The following AGBL1 variants were observed in gnomAD, a reference collection of about 807,000 sequenced individuals.
The protein encoded by AGBL1 is AGBL carboxypeptidase 1.
Under a neutral mutation model 118.9 loss-of-function variants are expected in AGBL1, and 130 were observed. The ratio of observed to expected loss-of-function variants is 1.09; its 90% CI spans 0.95 to 1.26. AGBL1 has a LOEUF of 1.26. Among genes scored for constraint, AGBL1 ranks in the 50% most tolerant of loss-of-function variants. AGBL1 has a pLI of 0.00. For synonymous variants in AGBL1, 555 were observed against 478.9 expected (o/e 1.16, Z -2.08); for missense variants, 1,584 against 1,298.1 (o/e 1.22, Z -3.38).
Position 86,785,371 on chromosome 15 carries a change from T to G in AGBL1, c.3158+110935T>G, listed in dbSNP as rs541581337. The stretch of plus-strand genomic sequence containing the variant: ...GAGATCTGCGGGTTCTTTTTTTTTT[T>G]TTTTTTTGTTTTTGTTTTTTTGAGA... On this transcript the variant is annotated intron_variant, in intron 22 of 22. Coordinates refer to ENST00000614907, the MANE Select transcript of AGBL1 (RefSeq NM_001386094.1). Among the ~76,000 whole-genome samples, 1,166 of 143,962 alleles carry G rather than the reference T, an allele frequency of 8.1e-3. 14 individuals are homozygous for G. The highest frequency in any genetic ancestry group is 0.018 in the Middle Eastern group (5 of 276). The allele number at this position is 143,962 out of a possible 152,430, so 94.4% of individuals were successfully genotyped here. A position where few individuals can be genotyped will look rare whatever the true frequency, so the allele number is the denominator to read the frequency against.
chr15:86,354,702 TG>T (rs1311878245), intron 17 of AGBL1, among the ~76,000 whole-genome samples: 1 of 152,236 alleles, frequency 6.6e-6, no homozygotes, highest in Non-Finnish European at 1.5e-5. Flanking sequence ...AAGATGTCCT[TG>T]CCCTAATCCC....
At chr15:86,471,506 T>G (rs981028723) in intron 18 of AGBL1, among the ~76,000 whole-genome samples, 8 of 151,968 alleles carry the variant, frequency 5.3e-5, no homozygotes, top group Non-Finnish European at 1.0e-4. Flanking sequence ...TAGTTTTTTT[T>G]TTTTTTTTTA....
Position 86,234,823 on chromosome 15 carries a change from T to A in AGBL1, c.526+9872T>A, listed in dbSNP as rs1449551816. On this transcript the variant is annotated intron_variant, in intron 6 of 22. Transcript: ENST00000614907. ...CATCTCAATAAAGATGAACTCTTGT[T>A]TTATTGTCATCACCATTTCAAAAGT... Among the ~76,000 whole-genome samples, 10 of 152,370 alleles carry A rather than the reference T, an allele frequency of 6.6e-5. No individual in the cohort carries two copies. In the South Asian group the frequency reaches 2.1e-3, roughly 32 times the overall value.
downstream of AGBL1, among the ~76,000 whole-genome samples, chr15:86,920,362 T>C (rs1484960671): frequency 6.6e-6 from 1 of 152,202 alleles, no homozygotes; most frequent in African/African-American, 2.4e-5. Flanking sequence ...GAATCTCTTT[T>C]ACTTCTACTA....
chr15:86,320,549 G>T (rs1016585052), intron 17 of AGBL1, among the ~76,000 whole-genome samples: 12 of 151,342 alleles, frequency 7.9e-5, no homozygotes, highest in African/African-American at 2.9e-4. Context: ...AAACTGACAA[G>T]TTTTTTTTTC....
chr15:86,246,890 A>C (rs1464633476), intron 6 of AGBL1, among the ~76,000 whole-genome samples: 1 of 134,310 alleles, frequency 7.4e-6, no homozygotes, highest in East Asian at 2.1e-4. Context: ...GCTCAACCCA[A>C]ATGACAACCT....
chr15:86,315,549 A>G (rs534538422), intron 17 of AGBL1, among the ~76,000 whole-genome samples: 53 of 152,014 alleles, frequency 3.5e-4, no homozygotes, highest in African/African-American at 1.3e-3. Context: ...CCCCGTCTCT[A>G]CTAATAATAC....
At position 86,079,963 on chromosome 15, in the gene AGBL1, C is replaced by G. The variant is rs11635881; in HGVS notation, c.-10C>G. 1 of 1,231,886 alleles carries G rather than the reference C, an allele frequency of 8.1e-7. No individual in the cohort carries two copies. The highest frequency in any genetic ancestry group is 1.0e-6 in the Non-Finnish European group (1 of 987,902). 76.3% of individuals were successfully genotyped at this position (1,231,886 alleles called of 1,614,324 possible). On this transcript the variant is annotated 5_prime_UTR_variant, in exon 1 of 23. Coordinates refer to ENST00000614907, the MANE Select transcript of AGBL1 (RefSeq NM_001386094.1). The stretch of plus-strand genomic sequence containing the variant: ...CCGCAGGCAGCGGTTCCCTAGGACC[C>G]GAGAAAAGGATGGCCGAACAAGAAG...
At chr15:86,852,336 C>A (rs1448620709) in intron 22 of AGBL1, among the ~76,000 whole-genome samples, 1 of 152,168 alleles carries the variant, frequency 6.6e-6, no homozygotes, top group African/African-American at 2.4e-5. Flanking sequence ...GATCCAAACA[C>A]CTCCCTCTCT....
At chr15:86,882,950 T>C (rs2079916682) in intron 22 of AGBL1, among the ~76,000 whole-genome samples, 1 of 152,226 alleles carries the variant, frequency 6.6e-6, no homozygotes, top group African/African-American at 2.4e-5. Context: ...AACAGATTTT[T>C]AAAATATGAG....
chr15:86,917,791 AAGAG>A (rs1007744943), downstream of AGBL1, among the ~76,000 whole-genome samples: 1 of 67,796 alleles, frequency 1.5e-5, no homozygotes, highest in Non-Finnish European at 5.2e-5. This position sits in a 1 kb window ranked among gnomAD's most constrained non-coding sequence, Gnocchi z 4.8. Context: ...AGAGAGAGAG[AAGAG>A]AGAGGATGAG....
intron 17 of AGBL1, among the ~76,000 whole-genome samples, chr15:86,370,912 T>C (rs1240305967): frequency 1.3e-5 from 2 of 152,214 alleles, no homozygotes; most frequent in African/African-American, 4.8e-5. Flanking sequence ...CACCTACACA[T>C]AGTGCCTCTG....
chr15:86,790,622 A>G (rs2078478942), intron 22 of AGBL1, among the ~76,000 whole-genome samples: 1 of 152,064 alleles, frequency 6.6e-6, no homozygotes, highest in Admixed American at 6.6e-5. Context: ...AATGTATTTT[A>G]TGGGAAATGA....
At chr15:87,008,340 TAAG>T (rs1252452868) in intron 24 of AGBL1, among the ~76,000 whole-genome samples, 2 of 152,294 alleles carry the variant, frequency 1.3e-5, no homozygotes, top group Admixed American at 1.3e-4. Flanking sequence ...GATGGTTTTA[TAAG>T]AAGGAGTTTC....
intron 6 of AGBL1, among the ~76,000 whole-genome samples, chr15:86,239,467 A>T (rs1028160601): frequency 2.6e-5 from 4 of 151,946 alleles, no homozygotes; most frequent in Non-Finnish European, 5.9e-5. Context: ...TGCACCAGCC[A>T]CTCCTGCAGC....
At position 86,646,032 on chromosome 15, in the gene AGBL1, A is replaced by G. The variant is rs560968223; in HGVS notation, c.2995-28241A>G. ...TTTGTATAACTCCTCTGAATGTGTA[A>G]TATCCCTGCTCTCTTTCCCAGCCAG... On this transcript the variant is annotated intron_variant, in intron 21 of 22. Transcript: ENST00000614907. Among the ~76,000 whole-genome samples, 7 of 152,306 alleles carry G rather than the reference A, an allele frequency of 4.6e-5. 1 individual carries two copies. The highest frequency in any genetic ancestry group is 1.7e-4 in the African/African-American group (7 of 41,564).
intron 22 of AGBL1, among the ~76,000 whole-genome samples, chr15:86,796,622 T>A (rs757288774): frequency 1.3e-5 from 2 of 152,222 alleles, no homozygotes; most frequent in Non-Finnish European, 2.9e-5. Context: ...ATGGCTTTGT[T>A]TGGTTTTGGA....
At chr15:86,730,754 A>G (rs1482879583) in intron 22 of AGBL1, among the ~76,000 whole-genome samples, 1 of 152,238 alleles carries the variant, frequency 6.6e-6, no homozygotes, top group East Asian at 1.9e-4. Flanking sequence ...AAGAGAACAC[A>G]AATTTCAGAG....
chr15:86,836,802 G>A (rs745994596), intron 22 of AGBL1, among the ~76,000 whole-genome samples: 23 of 152,234 alleles, frequency 1.5e-4, no homozygotes, highest in Non-Finnish European at 2.8e-4. Context: ...TCAGCTGAAA[G>A]AATCCATCTC....
Sources: gnomAD v4.1 joint callset for allele counts (sites outside exome capture counted in the v4.1 genomes callset) on GRCh38, gnomAD v4.1.1 for gene constraint, Gnocchi (gnomAD v3.1) non-coding constraint, MANE v1.5 for transcripts, NCBI Gene and HGNC (gene_info 2026-07-23, HGNC 2026-07-21) for gene names.